The following PDE10A variants were observed in gnomAD, a reference collection of about 807,000 sequenced individuals.
PDE10A encodes the protein cAMP and cAMP-inhibited cGMP 3',5'-cyclic phosphodiesterase 10A.
Under a neutral mutation model 97.7 loss-of-function variants are expected in PDE10A, and 39 were observed. The ratio of observed to expected loss-of-function variants is 0.40; its 90% CI spans 0.31 to 0.52. The LOEUF is 0.52. Ranked by LOEUF, PDE10A falls within the 20% of genes least tolerant of loss-of-function variation. PDE10A has a pLI of 0.56. For missense variants in PDE10A, 731 were observed against 1,047.8 expected (o/e 0.70, Z 4.17); for synonymous variants, 371 against 376.8 (o/e 0.98, Z 0.18).
chr6:165,886,585 A>C (rs992924424), intron 1 of PDE10A, among the ~76,000 whole-genome samples: 1 of 152,254 alleles, frequency 6.6e-6, no homozygotes, highest in Non-Finnish European at 1.5e-5. Flanking sequence ...ACAAGAAGAA[A>C]TCAGAAGGAA....
intron 1 of PDE10A, among the ~76,000 whole-genome samples, chr6:165,857,042 C>T (rs883305): frequency 0.66 from 100,675 of 152,102 alleles, 33,886 homozygotes; most frequent in East Asian, 0.93. Context: ...ACCCAAGATA[C>T]GCAGACCTGT....
intron 1 of PDE10A, among the ~76,000 whole-genome samples, chr6:165,850,925 A>G (rs144835670): frequency 3.9e-5 from 6 of 152,360 alleles, no homozygotes; most frequent in Non-Finnish European, 7.3e-5. Flanking sequence ...AGCAAAAACC[A>G]AAAGTAGTAT....
chr6:165,935,917 CTG>C (rs1783309956), intron 1 of PDE10A, among the ~76,000 whole-genome samples: 2 of 152,234 alleles, frequency 1.3e-5, no homozygotes, highest in African/African-American at 4.8e-5. Context: ...GCCTCCAGAA[CTG>C]TGAGCCAAAT....
At chr6:165,475,216 C>A (rs923619936) in intron 3 of PDE10A, among the ~76,000 whole-genome samples, 1 of 152,038 alleles carries the variant, frequency 6.6e-6, no homozygotes, top group African/African-American at 2.4e-5. Flanking sequence ...TTTCCTATAA[C>A]AAAACTGATT....
intron 5 of PDE10A, 87 bp from the exon 6 acceptor site, chr6:165,435,464 A>G (rs1317088995): frequency 2.7e-6 from 3 of 1,119,962 alleles, no homozygotes; most frequent in African/African-American, 3.1e-5. Flanking sequence ...AGTCATAATA[A>G]ATCTGTGAGC....
intron 1 of PDE10A, among the ~76,000 whole-genome samples, chr6:165,608,108 G>GTGTA (rs1787309228): frequency 6.9e-6 from 1 of 144,660 alleles, no homozygotes; most frequent in African/African-American, 2.7e-5. Context: ...ATATATACAT[G>GTGTA]TATATATATA....
chr6:165,494,086 A>G (rs1235150892), intron 2 of PDE10A, among the ~76,000 whole-genome samples: 1 of 152,138 alleles, frequency 6.6e-6, no homozygotes, highest in Non-Finnish European at 1.5e-5. Flanking sequence ...ATCACTAATT[A>G]CCAAGGAACT....
chr6:165,452,258 A>C (rs1285168520), intron 3 of PDE10A, among the ~76,000 whole-genome samples: 1 of 152,246 alleles, frequency 6.6e-6, no homozygotes, highest in Non-Finnish European at 1.5e-5. Context: ...CTTAACATCC[A>C]GAGACAAGGT....
intron 3 of PDE10A, among the ~76,000 whole-genome samples, chr6:165,468,260 T>A (rs544837987): frequency 2.2e-4 from 34 of 151,734 alleles, no homozygotes; most frequent in African/African-American, 3.6e-4. Flanking sequence ...TTTTTATTTT[T>A]TTTTTTTTTA....
At chr6:165,630,470 T>C (rs1394610481) in intron 1 of PDE10A, among the ~76,000 whole-genome samples, 1 of 152,188 alleles carries the variant, frequency 6.6e-6, no homozygotes, top group Non-Finnish European at 1.5e-5. Flanking sequence ...AACACTGATC[T>C]GAATGCATTT....
chr6:165,483,648 G>A (rs1779730956), intron 2 of PDE10A, among the ~76,000 whole-genome samples: 1 of 152,328 alleles, frequency 6.6e-6, no homozygotes, highest in South Asian at 2.1e-4. Context: ...AATATTTAAT[G>A]AGAATGTTTG....
intron 1 of PDE10A, among the ~76,000 whole-genome samples, chr6:165,984,666 A>T (rs1405877158): frequency 6.6e-6 from 1 of 151,678 alleles, no homozygotes; most frequent in East Asian, 2.0e-4. Context: ...CATACAAATA[A>T]AGTCACCTGC....
At chr6:165,401,328 A>C (rs774110802) in intron 13 of PDE10A, among the ~76,000 whole-genome samples, 1 of 152,190 alleles carries the variant, frequency 6.6e-6, no homozygotes, top group African/African-American at 2.4e-5. Context: ...TCACAGCATG[A>C]ATTTCTTTGG....
At chr6:165,435,474 C>A in intron 5 of PDE10A, 97 bp from the exon 6 acceptor site, 1 of 1,036,814 alleles carries the variant, frequency 9.6e-7, no homozygotes, top group Non-Finnish European at 1.3e-6. Context: ...AATCTGTGAG[C>A]CAATTAAAAG....
intron 2 of PDE10A, among the ~76,000 whole-genome samples, chr6:165,527,963 G>A (rs9356364): frequency 0.69 from 104,955 of 151,740 alleles, 39,587 homozygotes; most frequent in Non-Finnish European, 0.83. Flanking sequence ...GCCCTTTTCT[G>A]GGATATCCCT....
chr6:165,793,695 C>T (rs771021710), intron 1 of PDE10A, among the ~76,000 whole-genome samples: 2 of 152,220 alleles, frequency 1.3e-5, no homozygotes, highest in Non-Finnish European at 2.9e-5. Flanking sequence ...AGTGCCTTGG[C>T]CAAGTGGTGG....
chr6:165,937,774 C>T (rs918851909), intron 1 of PDE10A, among the ~76,000 whole-genome samples: 2 of 152,178 alleles, frequency 1.3e-5, no homozygotes, highest in Non-Finnish European at 2.9e-5. Flanking sequence ...ACGAAACACA[C>T]ACATACACAC....
intron 2 of PDE10A, among the ~76,000 whole-genome samples, chr6:165,499,698 C>T (rs1247388491): frequency 6.6e-6 from 1 of 152,056 alleles, no homozygotes; most frequent in Non-Finnish European, 1.5e-5. Flanking sequence ...TGAAAGAAAA[C>T]TATATATAGT....
Position 165,632,963 on chromosome 6 carries a change from T to G in PDE10A, c.865+28984A>C, listed in dbSNP as rs1788702620. 2.6e-5 allele frequency among the ~76,000 whole-genome samples: 4 copies of G among 152,124 alleles called. No homozygotes were observed. In the Middle Eastern group the frequency reaches 0.01, roughly 388 times the overall value. ...TCCCTCCCAATGGAGGGGGCATGAT[T>G]AAAGCATCACCATCACCTGTGTATT... On this transcript the variant is annotated intron_variant, in intron 1 of 21. Coordinates refer to ENST00000539869, the MANE Select transcript of PDE10A (RefSeq NM_001385079.1).
Sources: allele counts gnomAD v4.1 joint callset (sites outside exome capture counted in the v4.1 genomes callset), GRCh38; gene constraint gnomAD v4.1.1; transcripts MANE v1.5; gene names NCBI Gene and HGNC (gene_info 2026-07-23, HGNC 2026-07-21).